The following PRPF6 variants were observed in gnomAD, a reference collection of about 807,000 sequenced individuals.
PRPF6 encodes the protein pre-mRNA processing factor 6, also known as pre-mRNA-processing factor 6.
In PRPF6, 42 loss-of-function variants were observed where a neutral mutation model predicts 118.3. That is an observed-to-expected ratio of 0.35 (90% CI 0.28 to 0.46). The LOEUF (loss-of-function observed/expected upper bound fraction) is 0.46. PRPF6 is among the 20% of genes least tolerant of loss of function. The probability of loss-of-function intolerance (pLI) is 1.00; values close to 1 mark genes in which losing one functional copy is unlikely to be tolerated. For synonymous variants in PRPF6, 481 were observed against 485.1 expected (o/e 0.99, Z 0.11); for missense variants, 662 against 1,255.7 (o/e 0.53, Z 7.15).
chr20:63,992,134 C>T (rs2059121491), intron 3 of PRPF6, among the ~76,000 whole-genome samples: 1 of 152,170 alleles, frequency 6.6e-6, no homozygotes, highest in African/African-American at 2.4e-5. Context: ...CAAGGTCTCG[C>T]TCTGTCGCCC....
intron 3 of PRPF6, among the ~76,000 whole-genome samples, chr20:63,990,314 A>G (rs1037908603): frequency 1.3e-5 from 2 of 152,078 alleles, no homozygotes; most frequent in African/African-American, 4.8e-5. Context: ...TTTCATGGGG[A>G]CACAGATGTA....
Position 64,028,507 on chromosome 20 carries a change from C to T in PRPF6, c.2369C>T (p.Ala790Val), listed in dbSNP as rs761298881. Residue 790 changes from alanine to valine, a missense_variant, in exon 18 of 21, where the codon GCG (alanine) becomes GTG (valine). Ala to Val is a moderately conservative substitution (Grantham distance 64). Coordinates refer to ENST00000266079, the MANE Select transcript of PRPF6 (RefSeq NM_012469.4). The surrounding 1 kb of genome is among the most constrained non-coding windows in gnomAD (Gnocchi z 6.5). ...WLESVRLEYR[A>V]GLKNIANTLM... is the part of the protein sequence containing the mutation. ...GAGTCCGTGCGGCTGGAGTACCGTG[C>T]GGGGCTGAAGAACATCGCAAATACA... 11 of 1,613,836 alleles carry T rather than the reference C, an allele frequency of 6.8e-6. No homozygotes were observed. Among genetic ancestry groups the T allele is most frequent in the Non-Finnish European group, 9.3e-6 (11 of 1,180,004 alleles).
Position 64,032,825 on chromosome 20 carries a change from C to T in PRPF6, c.2674-16C>T, listed in dbSNP as rs2059321416. On this transcript the variant is annotated splice_polypyrimidine_tract_variant and intron_variant, in intron 20 of 20. Coordinates refer to ENST00000266079, the MANE Select transcript of PRPF6 (RefSeq NM_012469.4). ...GTGGGAGGACCCCTGCCTGACGTGC[C>T]CTGTGGTCCCCCCAGGAGCAGCAGG... The T allele has an allele frequency of 6.2e-7, 1 of 1,600,602 alleles. No individual in the cohort carries two copies. The highest frequency in any genetic ancestry group is 2.3e-5 in the East Asian group (1 of 44,038).
chr20:64,004,344 C>T (rs919010392), intron 9 of PRPF6, among the ~76,000 whole-genome samples: 2 of 152,350 alleles, frequency 1.3e-5, no homozygotes. Context: ...TAATACTGGT[C>T]CTGGCCTGCC....
chr20:64,029,510 G>A lies in PRPF6; in HGVS notation c.2546+19G>A. The A allele has an allele frequency of 1.9e-6, 3 of 1,606,428 alleles. No individual in the cohort carries two copies. Among genetic ancestry groups the A allele is most frequent in the South Asian group, 1.1e-5 (1 of 90,972 alleles). ...TGGCCAAGTGAGTGGGGCCCCCACA[G>A]GATTGCTGAACCTCGGGGTCCTAAT... On this transcript the variant is annotated intron_variant, in intron 19 of 20. Coordinates refer to ENST00000266079, the MANE Select transcript of PRPF6 (RefSeq NM_012469.4). This position sits in a 1 kb window ranked among gnomAD's most constrained non-coding sequence, Gnocchi z 4.8.
At chr20:63,994,553 G>A (rs528749924) in intron 4 of PRPF6, among the ~76,000 whole-genome samples, 76 of 152,212 alleles carry the variant, frequency 5.0e-4, no homozygotes, top group Non-Finnish European at 8.1e-4. Context: ...GCTGAGGTGG[G>A]AGGATCACTT....
intron 14 of PRPF6, 116 bp downstream of exon 14, chr20:64,024,809 C>A: frequency 6.9e-7 from 1 of 1,442,254 alleles, no homozygotes; most frequent in Non-Finnish European, 9.4e-7. Context: ...TGTTGGGGTG[C>A]ACTGGAGTCC....
At chr20:64,018,728 A>G (rs1382383336) in intron 12 of PRPF6, among the ~76,000 whole-genome samples, 2 of 151,896 alleles carry the variant, frequency 1.3e-5, no homozygotes, top group Non-Finnish European at 2.9e-5. Flanking sequence ...CTCCCAAAGT[A>G]TGTAGGATTA....
At chr20:63,989,315 CA>C in intron 3 of PRPF6, among the ~76,000 whole-genome samples, 1 of 152,146 alleles carries the variant, frequency 6.6e-6, no homozygotes, top group South Asian at 2.1e-4. Context: ...TTGGACTAGG[CA>C]AAGATTTCTT....
chr20:63,993,557 C>T (rs1456968339), intron 4 of PRPF6, 72 bp downstream of exon 4: 4 of 1,264,930 alleles, frequency 3.2e-6, no homozygotes, highest in Admixed American at 1.7e-5. Context: ...ACTCAGACTG[C>T]TCTTACGTGG....
chr20:64,027,107 C>T lies in PRPF6; in HGVS notation c.2154C>T (p.Ile718=), dbSNP rs200718065. 17 of 1,613,848 alleles carry T rather than the reference C, an allele frequency of 1.1e-5. No individual in the cohort carries two copies. Among genetic ancestry groups the T allele is most frequent in the African/African-American group, 4.0e-5 (3 of 74,896 alleles). ...AGCTGTGGATGATGAAGGGGCAGAT[C>T]GAGGAGCAGAAGGAGATGATGGAGA... is the stretch of plus-strand genomic sequence containing the variant. ...FPKLWMMKGQ[I]EEQKEMMEKA... Residue 718 remains isoleucine (I), a synonymous_variant, in exon 16 of 21, where the codon ATC becomes ATT. Transcript: ENST00000266079. The surrounding 1 kb of genome is among the most constrained non-coding windows in gnomAD (Gnocchi z 6.5).
intron 11 of PRPF6, 95 bp from the exon 12 acceptor site, chr20:64,016,628 G>C: frequency 6.6e-7 from 1 of 1,518,352 alleles, no homozygotes; most frequent in South Asian, 1.2e-5. Flanking sequence ...GCTGATGTCT[G>C]TCAGTTTTAA....
intron 9 of PRPF6, among the ~76,000 whole-genome samples, chr20:64,008,140 GT>G (rs2059198896): frequency 1.3e-5 from 2 of 152,176 alleles, no homozygotes; most frequent in Non-Finnish European, 2.9e-5. Context: ...CAGCTGTCAT[GT>G]CAGTACCTGC....
chr20:64,020,798 T>A (rs893679639), intron 12 of PRPF6, among the ~76,000 whole-genome samples: 12 of 151,464 alleles, frequency 7.9e-5, no homozygotes, highest in Non-Finnish European at 1.6e-4. Flanking sequence ...TTTTTTTTTT[T>A]TTTTTTGAGA....
At chr20:64,004,345 C>T (rs1348223234) in intron 9 of PRPF6, among the ~76,000 whole-genome samples, 1 of 152,244 alleles carries the variant, frequency 6.6e-6, no homozygotes, top group Non-Finnish European at 1.5e-5. Flanking sequence ...AATACTGGTC[C>T]TGGCCTGCCC....
chr20:64,020,751 A>C (rs753454814), intron 12 of PRPF6, among the ~76,000 whole-genome samples: 1 of 150,952 alleles, frequency 6.6e-6, no homozygotes, highest in Non-Finnish European at 1.5e-5. Context: ...TAATTAATGT[A>C]ACTTTTTATC....
In PRPF6 at chr20:64,026,053, G is replaced by C; in HGVS notation, c.2023G>C (p.Ala675Pro). 6.2e-7 allele frequency: 1 copy of C among 1,604,308 alleles called. No individual in the cohort carries two copies. Among genetic ancestry groups the C allele is most frequent in the Non-Finnish European group, 8.5e-7 (1 of 1,179,686 alleles). Residue 675 changes from alanine to proline, a missense_variant, in exon 15 of 21, where the codon GCC (alanine) becomes CCC (proline). Around this residue, in one of 10 missense-constraint regions of PRPF6, gnomAD observed 244 missense variants for 383.7 expected, o/e 0.64. Coordinates refer to ENST00000266079, the MANE Select transcript of PRPF6 (RefSeq NM_012469.4). The surrounding 1 kb of genome is among the most constrained non-coding windows in gnomAD (Gnocchi z 4.4). ...LAKARSSAPTARVFMKSVKLE... is the reference protein window; with the variant it reads ...LAKARSSAPTPRVFMKSVKLE... ...CAAGGCGCGGAGCAGTGCCCCCACC[G>C]CCCGGGTACGCAGTGGCAGGCAGGG...
At position 64,022,832 on chromosome 20, in the gene PRPF6, AGT is replaced by A; in HGVS notation, c.1729_1730del (p.Trp577AlafsTer65). The part of the protein sequence containing the change: ...YALQVFPSKK[S>X]VWLRAAYFEK... ...CCTGCAGGTGTTCCCCAGCAAGAAG[AGT>A]GTGTGGCTGCGCGCCGCGTACTTCG... On this transcript the variant is annotated frameshift_variant, in exon 13 of 21. Transcript: ENST00000266079. LOFTEE classifies it high-confidence loss of function. 6.2e-7 allele frequency: 1 copy of A among 1,614,028 alleles called. No homozygotes were observed. Among genetic ancestry groups the A allele is most frequent in the Non-Finnish European group, 8.5e-7 (1 of 1,179,988 alleles).
intron 12 of PRPF6, among the ~76,000 whole-genome samples, chr20:64,021,952 T>C (rs2123083437): frequency 6.6e-6 from 1 of 151,960 alleles, no homozygotes; most frequent in Middle Eastern, 3.5e-3. Context: ...TGCGTGTGTG[T>C]GTGTGTGCAC....
Sources: allele counts gnomAD v4.1 joint callset (sites outside exome capture counted in the v4.1 genomes callset), GRCh38; gene constraint gnomAD v4.1.1; regional missense constraint gnomAD v4.1.1; non-coding constraint Gnocchi (gnomAD v3.1); transcripts MANE v1.5; gene names NCBI Gene and HGNC (gene_info 2026-07-23, HGNC 2026-07-21).